Variants in LRIG1 observed in about 807,000 individuals in gnomAD.
LRIG1 encodes leucine rich repeats and immunoglobulin like domains 1.
LRIG1 carries 48 observed loss-of-function variants against 99.2 expected under a neutral mutation model. That is an observed-to-expected ratio of 0.48 (90% CI 0.38 to 0.62). LRIG1 has a LOEUF of 0.62. LRIG1 is among the 20% of genes least tolerant of loss of function. The pLI is 0.00. For missense variants in LRIG1, 1,646 were observed against 1,434.4 expected (o/e 1.15, Z -2.38); for synonymous variants, 772 against 596.1 (o/e 1.29, Z -4.30).
chr3:66,443,735 C>T (rs138406467), intron 3 of LRIG1, among the ~76,000 whole-genome samples: 1 of 152,334 alleles, frequency 6.6e-6, no homozygotes, highest in Non-Finnish European at 1.5e-5. Flanking sequence ...TCTGTTTGCT[C>T]ACGAAAGGCC....
intron 1 of LRIG1, among the ~76,000 whole-genome samples, chr3:66,487,921 A>G (rs1701011163): frequency 6.6e-6 from 1 of 152,340 alleles, no homozygotes; most frequent in African/African-American, 2.4e-5. Flanking sequence ...GTTCCAGACC[A>G]CTAACTGTTC....
At chr3:66,429,619 C>T (rs1483052769) in intron 3 of LRIG1, among the ~76,000 whole-genome samples, 1 of 118,968 alleles carries the variant, frequency 8.4e-6, no homozygotes, top group Non-Finnish European at 2.2e-5. Context: ...TGAAGCTATT[C>T]TGTATGACAC....
chr3:66,453,311 C>T (rs146247271), intron 2 of LRIG1, among the ~76,000 whole-genome samples: 47 of 152,292 alleles, frequency 3.1e-4, no homozygotes, highest in Admixed American at 4.6e-4. Flanking sequence ...TTAATGAAGG[C>T]TGACTATGTG....
At chr3:66,454,632 T>C (rs576889658) in intron 2 of LRIG1, among the ~76,000 whole-genome samples, 1 of 152,250 alleles carries the variant, frequency 6.6e-6, no homozygotes, top group East Asian at 1.9e-4. Context: ...GATTAAGAAG[T>C]GCCTCAGATG....
chr3:66,439,002 T>C (rs1307335008), intron 3 of LRIG1, among the ~76,000 whole-genome samples: 6 of 152,244 alleles, frequency 3.9e-5, no homozygotes, highest in Non-Finnish European at 5.9e-5. Flanking sequence ...AGACAGGCAC[T>C]GGGCTCTTAC....
chr3:66,401,742 A>G, intron 9 of LRIG1: 4 of 1,205,326 alleles, frequency 3.3e-6, no homozygotes, highest in Non-Finnish European at 4.5e-6. Context: ...TCTGTACCAC[A>G]GCCGGGCTCC....
chr3:66,492,161 C>A (rs542911935), intron 1 of LRIG1, among the ~76,000 whole-genome samples: 18 of 152,284 alleles, frequency 1.2e-4, no homozygotes, highest in Non-Finnish European at 2.4e-4. Flanking sequence ...AGCACTGGAA[C>A]TACAAGATTT....
intron 1 of LRIG1, among the ~76,000 whole-genome samples, chr3:66,465,357 ATTTTTTTTTTT>A (rs59148647): frequency 1.5e-5 from 1 of 67,728 alleles, no homozygotes; most frequent in African/African-American, 4.9e-5. Context: ...TCTGAGCATA[ATTTTTTTTTTT>A]TTTTTTTTTT....
In LRIG1 at chr3:66,381,385, A is replaced by C; in HGVS notation, c.2770+94T>G. The C allele has an allele frequency of 3.9e-6, 5 of 1,285,108 alleles. No individual in the cohort carries two copies. The South Asian group carries it at 4.1e-5, about 10-fold the overall frequency. The allele number at this position is 1,285,108 out of a possible 1,614,324, so 79.6% of individuals were successfully genotyped here. Reference sequence around the variant, plus strand: ...ATACCAAATTTGGAGACAGCTGTGGACTAGGAATGTGTCTCCCCCTTTGAT... The same window carrying C: ...ATACCAAATTTGGAGACAGCTGTGGCCTAGGAATGTGTCTCCCCCTTTGAT... On this transcript the variant is annotated intron_variant, in intron 17 of 18. Transcript: ENST00000273261.
At chr3:66,387,825 G>A (rs1375272361) in intron 12 of LRIG1, 2 of 151,626 alleles carry the variant, frequency 1.3e-5, no homozygotes, top group African/African-American at 4.8e-5. Flanking sequence ...TGGCCAGGTG[G>A]GGTGGCTCAC....
chr3:66,464,304 A>C (rs1028260665), intron 1 of LRIG1, among the ~76,000 whole-genome samples: 1 of 152,098 alleles, frequency 6.6e-6, no homozygotes, highest in Non-Finnish European at 1.5e-5. Context: ...CAAAGGCAAG[A>C]GCTTAGAGGA....
chr3:66,381,831 T>TGTCTCAGGGTGAGCCTCTACA (rs1338745905), intron 16 of LRIG1, among the ~76,000 whole-genome samples, 200 bp from the exon 17 acceptor site: 6 of 152,200 alleles, frequency 3.9e-5, no homozygotes. Flanking sequence ...AATGAGCAGC[T>TGTCTCAGGGTGAGCCTCTACA]GTCTCAGGGT....
chr3:66,400,783 C>T (rs1702021651), intron 9 of LRIG1, among the ~76,000 whole-genome samples: 1 of 152,180 alleles, frequency 6.6e-6, no homozygotes, highest in African/African-American at 2.4e-5. Context: ...GGCAGGGCAG[C>T]CTGGGACCTG....
At chr3:66,426,099 A>G (rs1702974790) in intron 3 of LRIG1, among the ~76,000 whole-genome samples, 1 of 152,194 alleles carries the variant, frequency 6.6e-6, no homozygotes, top group Admixed American at 6.5e-5. Context: ...GATCAAAGGC[A>G]GTTGGGACAA....
At chr3:66,458,962 A>G (rs867070930) in intron 2 of LRIG1, among the ~76,000 whole-genome samples, 3 of 148,092 alleles carry the variant, frequency 2.0e-5, no homozygotes, top group Non-Finnish European at 3.0e-5. Flanking sequence ...GGTTGCAGTG[A>G]CCCAAGATTG....
In LRIG1 at chr3:66,464,517, A is replaced by AAC. The variant is rs535345715; in HGVS notation, c.219-2009_219-2008insGT. Among the ~76,000 whole-genome samples the AAC allele has an allele frequency of 2.8e-3, 431 of 151,416 alleles. 2 individuals are homozygous for AAC. The highest frequency in any genetic ancestry group is 3.9e-3 in the Non-Finnish European group (265 of 67,766). ...TTGCTTTATTACTTAAAAAAAAAAAAAAAACTGAAAAGATTTCACATATCT... is the reference window on the plus strand; with the variant it reads ...TTGCTTTATTACTTAAAAAAAAAAAAACAAAACTGAAAAGATTTCACATATCT... On this transcript the variant is annotated intron_variant, in intron 1 of 18. Transcript: ENST00000273261.
At chr3:66,385,438 A>C (rs1315991072) in intron 13 of LRIG1, among the ~76,000 whole-genome samples, 1 of 143,566 alleles carries the variant, frequency 7.0e-6, no homozygotes, top group East Asian at 2.2e-4. Flanking sequence ...AGCTCTCCAC[A>C]ATTTGACTTA....
At chr3:66,489,525 ATGTGTGTGTGTGTGTGTGTGTG>A (rs56128311) in intron 1 of LRIG1, among the ~76,000 whole-genome samples, 1 of 150,272 alleles carries the variant, frequency 6.7e-6, no homozygotes, top group Non-Finnish European at 1.5e-5. Flanking sequence ...CTTTGTGTGT[ATGTGTGTGTGTGTGTGTGTGTG>A]TGTGTCTAAC....
chr3:66,392,969 G>C (rs572237226), intron 12 of LRIG1, among the ~76,000 whole-genome samples: 1 of 152,342 alleles, frequency 6.6e-6, no homozygotes, highest in African/African-American at 2.4e-5. Flanking sequence ...CTGCTGCCAT[G>C]TTCGCAGTGG....
Sources: allele counts gnomAD v4.1 joint callset (sites outside exome capture counted in the v4.1 genomes callset), GRCh38; gene constraint gnomAD v4.1.1; transcripts MANE v1.5; gene names NCBI Gene and HGNC (gene_info 2026-07-23, HGNC 2026-07-21).